The following TANC2 variants were observed in gnomAD, a reference collection of about 807,000 sequenced individuals.
TANC2 encodes the protein tetratricopeptide repeat, ankyrin repeat and coiled-coil containing 2, also known as protein TANC2.
Under a neutral mutation model 210.5 loss-of-function variants are expected in TANC2, and 26 were observed. The observed-to-expected ratio is 0.12, with a 90% CI of 0.09 to 0.17. The LOEUF is 0.17. TANC2 is among the 10% of genes least tolerant of loss of function. The probability of loss-of-function intolerance (pLI) is 1.00; values close to 1 mark genes in which losing one functional copy is unlikely to be tolerated. For synonymous variants in TANC2, 931 were observed against 967.1 expected (o/e 0.96, Z 0.69); for missense variants, 2,129 against 2,608.9 (o/e 0.82, Z 4.01).
chr17:63,402,327 T>C (rs1200645810), intron 19 of TANC2, among the ~76,000 whole-genome samples: 1 of 152,210 alleles, frequency 6.6e-6, no homozygotes, highest in African/African-American at 2.4e-5. Flanking sequence ...CAAGGACATA[T>C]CTCCATTGTG....
exon 7 of TANC2, chr17:63,200,806 C>T: frequency 1.2e-6 from 2 of 1,613,632 alleles, no homozygotes; most frequent in East Asian, 4.5e-5. Context: ...GTCCTTGTTC[C>T]ACTCTGACTA....
intron 5 of TANC2, among the ~76,000 whole-genome samples, chr17:63,188,668 A>G (rs180702545): frequency 1.3e-5 from 2 of 151,956 alleles, no homozygotes; most frequent in East Asian, 1.9e-4. Flanking sequence ...ATTTTCCCAT[A>G]TAACTCACTG....
At chr17:63,148,568 A>G (rs185367474) in intron 4 of TANC2, 2 of 152,292 alleles carry the variant, frequency 1.3e-5, no homozygotes, top group Admixed American at 6.5e-5. Flanking sequence ...TTGAGGGCAT[A>G]AGAATCGATG....
At chr17:63,184,821 A>AT (rs760764903) in intron 5 of TANC2, among the ~76,000 whole-genome samples, 35 of 149,826 alleles carry the variant, frequency 2.3e-4, no homozygotes, top group Non-Finnish European at 4.9e-4. Flanking sequence ...ACCCGGCTAA[A>AT]TTTTTTTGTA....
At chr17:63,131,447 C>G (rs2038915291) in intron 4 of TANC2, among the ~76,000 whole-genome samples, 1 of 151,660 alleles carries the variant, frequency 6.6e-6, no homozygotes. Context: ...CAATCCCATT[C>G]CACTCCCAGA....
chr17:63,275,127 A>G (rs2043832409), intron 9 of TANC2, among the ~76,000 whole-genome samples: 1 of 152,210 alleles, frequency 6.6e-6, no homozygotes, highest in African/African-American at 2.4e-5. Context: ...TAAATTAACA[A>G]CAAATTATTA....
chr17:63,232,879 G>A (rs899558329), intron 7 of TANC2, among the ~76,000 whole-genome samples: 6 of 152,242 alleles, frequency 3.9e-5, no homozygotes, highest in Admixed American at 2.0e-4. Context: ...CTGATCAACC[G>A]AGACTGCGGC....
chr17:63,254,559 T>C (rs925575169), intron 8 of TANC2, among the ~76,000 whole-genome samples: 3 of 152,228 alleles, frequency 2.0e-5, no homozygotes, highest in African/African-American at 7.2e-5. Flanking sequence ...TTCTAGTTCT[T>C]GGAGGAAAGG....
intron 4 of TANC2, among the ~76,000 whole-genome samples, chr17:63,116,221 A>G (rs1159463594): frequency 6.6e-6 from 1 of 152,262 alleles, no homozygotes; most frequent in Non-Finnish European, 1.5e-5. Context: ...TCATAGCATC[A>G]GTGACCCATG....
At chr17:63,314,335 TC>T in intron 9 of TANC2, 52 bp from the exon 10 acceptor site, 1 of 1,589,166 alleles carries the variant, frequency 6.3e-7, no homozygotes, top group Non-Finnish European at 8.6e-7. Context: ...TCTCTTTGTT[TC>T]TCTCAATGTT....
chr17:63,264,465 GACCA>G (rs2043462630), intron 8 of TANC2, among the ~76,000 whole-genome samples: 1 of 152,138 alleles, frequency 6.6e-6, no homozygotes, highest in African/African-American at 2.4e-5. Flanking sequence ...GGACTATTAT[GACCA>G]AGCAAAATGC....
At position 63,102,610 on chromosome 17, in the gene TANC2, A is replaced by G. The variant is rs908218559; in HGVS notation, c.322+3253A>G. On this transcript the variant is annotated intron_variant, in intron 4 of 27. Transcript: ENST00000689528. ...TACATTAGGTATATTTCCTAATGCT[A>G]TCCCTCCCCCCTCCTCCCTCCCCCC... Among the ~76,000 whole-genome samples, 7 of 151,786 alleles carry G rather than the reference A, an allele frequency of 4.6e-5. No individual in the cohort carries two copies. The South Asian group carries it at 6.3e-4, about 14-fold the overall frequency.
At chr17:63,174,509 G>C (rs1159889702) in intron 5 of TANC2, among the ~76,000 whole-genome samples, 3 of 152,132 alleles carry the variant, frequency 2.0e-5, no homozygotes, top group Admixed American at 2.0e-4. Flanking sequence ...TCCGTTTCTG[G>C]TTTAAGAAAC....
rs187930174 is a variant in TANC2, at chr17:63,285,099, A to G, written c.1159+17226A>G. 1.2e-3 allele frequency among the ~76,000 whole-genome samples: 178 copies of G among 152,038 alleles called. 1 individual carries two copies. Among genetic ancestry groups the G allele is most frequent in the African/African-American group, 4.1e-3 (171 of 41,480 alleles). On this transcript the variant is annotated intron_variant, in intron 9 of 27. Transcript: ENST00000689528. The stretch of plus-strand genomic sequence containing the variant: ...TTAGTTATCTTTGTCCATACCTTTA[A>G]TTTTAGCCTATTTGTTTATTTATAT...
intron 3 of TANC2, among the ~76,000 whole-genome samples, chr17:63,087,108 G>A (rs183513388): frequency 8.3e-4 from 126 of 152,330 alleles, no homozygotes; most frequent in African/African-American, 2.8e-3. Context: ...CAATCACCAC[G>A]AAGGTCTGTG....
chr17:63,125,372 A>G (rs1026242590), intron 4 of TANC2, among the ~76,000 whole-genome samples: 2 of 152,144 alleles, frequency 1.3e-5, no homozygotes, highest in Non-Finnish European at 2.9e-5. Flanking sequence ...GTATCTCTCT[A>G]TACCTTTCTT....
At chr17:63,289,661 CTG>C (rs1441850858) in intron 9 of TANC2, among the ~76,000 whole-genome samples, 1 of 152,210 alleles carries the variant, frequency 6.6e-6, no homozygotes, top group African/African-American at 2.4e-5. Flanking sequence ...AATTCCCTGT[CTG>C]TGTGTTACAT....
chr17:63,397,804 C>A (rs530250803), intron 18 of TANC2, among the ~76,000 whole-genome samples: 1 of 152,286 alleles, frequency 6.6e-6, no homozygotes, highest in East Asian at 1.9e-4. Context: ...TTTGAGTATT[C>A]TTTAACCTTT....
At chr17:63,362,038 G>T (rs182091912) in intron 14 of TANC2, among the ~76,000 whole-genome samples, 1 of 152,280 alleles carries the variant, frequency 6.6e-6, no homozygotes, top group East Asian at 1.9e-4. Context: ...CCCATCAAGT[G>T]TGCAGCCCTC....
Sources: gnomAD v4.1 joint callset for allele counts (sites outside exome capture counted in the v4.1 genomes callset) on GRCh38, gnomAD v4.1.1 for gene constraint, MANE v1.5 for transcripts, NCBI Gene and HGNC (gene_info 2026-07-23, HGNC 2026-07-21) for gene names.